Variants in MARCO observed in about 807,000 individuals in gnomAD.
MARCO encodes the protein macrophage receptor MARCO.
A neutral mutation model predicts 70.0 loss-of-function variants in MARCO; 72 were observed. The ratio of observed to expected loss-of-function variants is 1.03; its 90% CI spans 0.85 to 1.25. The LOEUF is 1.25. MARCO is among the 50% of genes most tolerant of loss of function. The pLI, the probability that MARCO is intolerant of heterozygous loss-of-function variation, is 0.00. For synonymous variants in MARCO, 273 were observed against 243.1 expected, an observed-to-expected ratio of 1.12 and a Z score of -1.14; for missense variants, 696 against 659.3, an observed-to-expected ratio of 1.06 and a Z score of -0.61.
At position 118,977,913 on chromosome 2, in the gene MARCO, GA is replaced by G; in HGVS notation, c.747del (p.Gly250GlufsTer14). 1 of 1,609,576 alleles carries G rather than the reference GA, an allele frequency of 6.2e-7. No individual in the cohort carries two copies. On this transcript the variant is annotated frameshift_variant, in exon 8 of 17. Coordinates refer to ENST00000327097, the MANE Select transcript of MARCO (RefSeq NM_006770.4). LOFTEE classifies it high-confidence loss of function. ...PKGETGTKGE[K>X]GDLGLPGSKG... ...AAGGGGAAACTGGAACTAAGGGAGA[GA>G]AAGGAGACCTGGGTCTCCCAGGTGA...
chr2:118,966,595 T>A (rs1680055910), intron 1 of MARCO, among the ~76,000 whole-genome samples: 1 of 152,222 alleles, frequency 6.6e-6, no homozygotes, highest in Admixed American at 6.5e-5. Context: ...TGGCTATCCA[T>A]GAACTACTGT....
Position 118,994,489 on chromosome 2 carries a change from A to G in MARCO, c.1532A>G (p.Glu511Gly). 1 of 1,610,754 alleles carries G rather than the reference A, an allele frequency of 6.2e-7. No homozygotes were observed. Among genetic ancestry groups the G allele is most frequent in the Admixed American group, 1.7e-5 (1 of 59,710 alleles). Reference sequence around the variant, plus strand: ...TGGGGCCATCATGACTGCAGCCACGAGGAGGACGCAGGCGTGGAGTGCAGC... The same window carrying G: ...TGGGGCCATCATGACTGCAGCCACGGGGAGGACGCAGGCGTGGAGTGCAGC... ...NSWGHHDCSH[E>G]EDAGVECSV is the part of the protein sequence containing the mutation. Residue 511 changes from glutamate (E) to glycine (G), a missense_variant, in exon 17 of 17, where the codon GAG becomes GGG. Physicochemically the swap from Glu to Gly is moderately conservative, Grantham distance 98. Around this residue, in one of 3 missense-constraint regions of MARCO, gnomAD observed 58 missense variants for 62.1 expected, o/e 0.93. Coordinates refer to ENST00000327097, the MANE Select transcript of MARCO (RefSeq NM_006770.4).
At chr2:118,982,717 T>G (rs1680418265) in intron 12 of MARCO, among the ~76,000 whole-genome samples, 1 of 152,138 alleles carries the variant, frequency 6.6e-6, no homozygotes, top group East Asian at 1.9e-4. Context: ...AGCTGTACGT[T>G]TCTGCTGTCT....
intron 13 of MARCO, 94 bp downstream of exon 13, chr2:118,990,727 T>C: frequency 8.1e-7 from 1 of 1,236,458 alleles, no homozygotes; most frequent in Non-Finnish European, 1.2e-6. Context: ...AATGCACAGC[T>C]GTGACCTTCT....
chr2:118,962,465 A>AT (rs1361527683), intron 1 of MARCO, among the ~76,000 whole-genome samples: 5 of 151,878 alleles, frequency 3.3e-5, no homozygotes, highest in African/African-American at 4.8e-5. Context: ...TAGGTATTTT[A>AT]TTCTCTGTAG....
intron 2 of MARCO, among the ~76,000 whole-genome samples, chr2:118,969,547 A>T (rs1680121598): frequency 6.6e-6 from 1 of 152,218 alleles, no homozygotes. Flanking sequence ...ACGGGGGATG[A>T]CACACACTTC....
chr2:118,975,708 A>G (rs78057095), intron 6 of MARCO, among the ~76,000 whole-genome samples: 1,633 of 152,266 alleles, frequency 0.011, 12 homozygotes, highest in Non-Finnish European at 0.018. Context: ...TCACGCACCA[A>G]TGTAATCACA....
At chr2:118,963,369 T>A (rs1428080974) in intron 1 of MARCO, among the ~76,000 whole-genome samples, 1 of 152,138 alleles carries the variant, frequency 6.6e-6, no homozygotes, top group South Asian at 2.1e-4. Flanking sequence ...AAGTCCTTTT[T>A]TAAATGTTCC....
At chr2:118,993,446 G>A in intron 16 of MARCO, 146 bp downstream of exon 16, 2 of 735,146 alleles carry the variant, frequency 2.7e-6, no homozygotes, top group South Asian at 1.9e-5. Context: ...TGCAGTGCAG[G>A]GCTCCAGGTA....
At chr2:118,967,804 C>T (rs12998782) in intron 1 of MARCO, among the ~76,000 whole-genome samples, 28,006 of 152,014 alleles carry the variant, frequency 0.18, 3,416 homozygotes, top group African/African-American at 0.33. Flanking sequence ...TAGTTAAAAC[C>T]CACCTGCCCC....
intron 6 of MARCO, among the ~76,000 whole-genome samples, 197 bp from the exon 7 acceptor site, chr2:118,977,274 G>T (rs781330761): frequency 6.6e-6 from 1 of 152,072 alleles, no homozygotes; most frequent in East Asian, 1.9e-4. Context: ...GGTTGTGTTT[G>T]TGCAATCATA....
chr2:118,960,361 G>C (rs1409232563), intron 1 of MARCO, among the ~76,000 whole-genome samples: 1 of 152,040 alleles, frequency 6.6e-6, no homozygotes, highest in East Asian at 1.9e-4. Context: ...AAAGTGTCCT[G>C]TCTTTCACCA....
intron 12 of MARCO, 108 bp downstream of exon 12, chr2:118,982,518 T>C: frequency 2.8e-6 from 3 of 1,082,500 alleles, no homozygotes; most frequent in Non-Finnish European, 4.2e-6. Flanking sequence ...GGGTCTTCTG[T>C]GCCTTGGCCT....
At chr2:118,990,862 A>T (rs1363406964) in intron 13 of MARCO, among the ~76,000 whole-genome samples, 1 of 144,696 alleles carries the variant, frequency 6.9e-6, no homozygotes, top group Non-Finnish European at 1.5e-5. Flanking sequence ...GGGGCTGAGG[A>T]TGGCAAAGGG....
chr2:118,955,732 C>T (rs559884477), intron 1 of MARCO, among the ~76,000 whole-genome samples: 62 of 152,310 alleles, frequency 4.1e-4, no homozygotes, highest in African/African-American at 1.4e-3. Flanking sequence ...AAAGGAAAAC[C>T]TATCAGATTA....
At chr2:118,950,593 G>A (rs1266986719) in intron 1 of MARCO, among the ~76,000 whole-genome samples, 2 of 152,104 alleles carry the variant, frequency 1.3e-5, no homozygotes, top group African/African-American at 2.4e-5. Context: ...CATTCAGGAG[G>A]CCTAATTACT....
chr2:118,981,728 C>A, intron 10 of MARCO, 72 bp downstream of exon 10: 2 of 1,413,192 alleles, frequency 1.4e-6, no homozygotes, highest in Non-Finnish European at 2.0e-6. Context: ...GGGGACCAGA[C>A]ACCACCATCT....
chr2:118,979,324 C>T (rs962950106), intron 8 of MARCO, among the ~76,000 whole-genome samples: 1 of 152,066 alleles, frequency 6.6e-6, no homozygotes, highest in East Asian at 1.9e-4. Context: ...TGGGGCTGAC[C>T]CATGATGAAG....
intron 12 of MARCO, among the ~76,000 whole-genome samples, 168 bp from the exon 13 acceptor site, chr2:118,990,421 C>T (rs1023693086): frequency 3.3e-5 from 5 of 152,148 alleles, no homozygotes; most frequent in African/African-American, 9.7e-5. Flanking sequence ...CATCTGCAGA[C>T]TGTCTCTTTT....
Sources: gnomAD v4.1 joint callset for allele counts (sites outside exome capture counted in the v4.1 genomes callset) on GRCh38, gnomAD v4.1.1 for gene constraint, gnomAD v4.1.1 regional missense constraint, MANE v1.5 for transcripts, NCBI Gene and HGNC (gene_info 2026-07-23, HGNC 2026-07-21) for gene names.